Variants in RNF168 observed in about 807,000 individuals in gnomAD.
RNF168 encodes E3 ubiquitin-protein ligase RNF168.
In RNF168, 34 loss-of-function variants were observed where a neutral mutation model predicts 34.9. The observed-to-expected ratio is 0.97, with a 90% CI of 0.74 to 1.30. The LOEUF (loss-of-function observed/expected upper bound fraction) is 1.30, where lower values mean the gene tolerates loss of function less well. Among genes scored for constraint, RNF168 ranks in the 50% most tolerant of loss-of-function variants. The probability of loss-of-function intolerance (pLI) is 0.00; values close to 1 mark genes in which losing one functional copy is unlikely to be tolerated. For synonymous variants in RNF168, 264 were observed against 254.7 expected (o/e 1.04, Z -0.35); for missense variants, 725 against 682.5 (o/e 1.06, Z -0.69).
At position 196,488,793 on chromosome 3, in the gene RNF168, C is replaced by T. The variant is rs1732519992; in HGVS notation, c.302-110G>A. The T allele has an allele frequency of 1.3e-5, 7 of 557,684 alleles. No individual in the cohort carries two copies. The South Asian group carries it at 1.5e-4, about 12-fold the overall frequency. The allele number at this position is 557,684 out of a possible 1,614,324, so 34.5% of individuals were successfully genotyped here. On this transcript the variant is annotated intron_variant, in intron 1 of 5. Coordinates refer to ENST00000318037, the MANE Select transcript of RNF168 (RefSeq NM_152617.4). ...AATATACAACTATTAATAACTGCAG[C>T]AATATCTCCTTTTGGAATTCCATTT... is the stretch of plus-strand genomic sequence containing the variant.
chr3:196,491,033 A>G (rs1316760775), intron 1 of RNF168, among the ~76,000 whole-genome samples: 1 of 152,226 alleles, frequency 6.6e-6, no homozygotes, highest in Non-Finnish European at 1.5e-5. Flanking sequence ...AATTAAAGTA[A>G]GCTGGGAGCG....
At chr3:196,485,203 T>C (rs974988328) in intron 3 of RNF168, among the ~76,000 whole-genome samples, 2 of 152,198 alleles carry the variant, frequency 1.3e-5, no homozygotes, top group Non-Finnish European at 2.9e-5. Flanking sequence ...CAAACTTTCA[T>C]AAATAAATAG....
chr3:196,495,145 C>A (rs991556573), intron 1 of RNF168, among the ~76,000 whole-genome samples: 1 of 151,874 alleles, frequency 6.6e-6, no homozygotes, highest in African/African-American at 2.4e-5. Flanking sequence ...CATTTAGATT[C>A]ATGAAGTTTT....
At chr3:196,479,497 C>T (rs1732237694) in intron 4 of RNF168, among the ~76,000 whole-genome samples, 1 of 151,882 alleles carries the variant, frequency 6.6e-6, no homozygotes, top group African/African-American at 2.4e-5. Flanking sequence ...GACAGGGTTT[C>T]CGCATGTTGC....
At chr3:196,486,174 A>G (rs965587986) in intron 3 of RNF168, among the ~76,000 whole-genome samples, 5 of 152,322 alleles carry the variant, frequency 3.3e-5, no homozygotes, top group Non-Finnish European at 7.3e-5. Context: ...AATGTGCCTT[A>G]CTTTCAAAAT....
rs1437847206 is a variant in RNF168, at chr3:196,472,623, A to G, written c.912T>C (p.Cys304=). The change falls in exon 6 of 6, where the codon TGT becomes TGC. Residue 304 remains cysteine, a synonymous_variant. Transcript: ENST00000318037. ...IESPMPWLCA[C]GAEWYHEGNV... is the part of the protein sequence containing the mutation. ...TTCCTTCATGGTACCATTCGGCACC[A>G]CAGGCACATAACCATGGCATAGGGG... 1.9e-6 allele frequency: 3 copies of G among 1,613,814 alleles called. No homozygotes were observed. Among genetic ancestry groups the G allele is most frequent in the Non-Finnish European group, 2.5e-6 (3 of 1,179,788 alleles).
chr3:196,489,420 G>A (rs535124410), intron 1 of RNF168, among the ~76,000 whole-genome samples: 9 of 151,742 alleles, frequency 5.9e-5, no homozygotes, highest in Admixed American at 2.0e-4. Flanking sequence ...TCCGCCTCCC[G>A]GGTTCAAACA....
At chr3:196,487,873 G>A (rs1732495733) in intron 2 of RNF168, among the ~76,000 whole-genome samples, 1 of 152,140 alleles carries the variant, frequency 6.6e-6, no homozygotes, top group Non-Finnish European at 1.5e-5. Context: ...CTCTATTTAT[G>A]TATAACTTCA....
intron 5 of RNF168, 137 bp downstream of exon 5, chr3:196,475,094 G>C (rs1381582919): frequency 1.6e-6 from 1 of 642,960 alleles, no homozygotes; most frequent in Non-Finnish European, 2.8e-6. Flanking sequence ...TTTTTCTCTA[G>C]GTGAGCCTAA....
Position 196,471,195 on chromosome 3 carries a change from CCAA to C in RNF168, c.*621_*623del, listed in dbSNP as rs1485683675. ...TGCGTGACAGAGCAAGACTCTGTCT[CCAA>C]AAAAAAAAAAAAAAAAAAAAAAAAA... On this transcript the variant is annotated 3_prime_UTR_variant, in exon 6 of 6. Coordinates refer to ENST00000318037, the MANE Select transcript of RNF168 (RefSeq NM_152617.4). 9.2e-3 allele frequency: 182 copies of C among 19,842 alleles called. 4 individuals are homozygous for C. Among genetic ancestry groups the C allele is most frequent in the African/African-American group, 0.017 (178 of 10,468 alleles). 1.2% of individuals were successfully genotyped at this position (19,842 alleles called of 1,614,324 possible).
intron 1 of RNF168, among the ~76,000 whole-genome samples, chr3:196,498,990 C>A (rs572163579): frequency 1.1e-4 from 16 of 148,664 alleles, no homozygotes; most frequent in Admixed American, 1.0e-3. Flanking sequence ...ACAAGACTGT[C>A]TCAAAAAAAA....
rs573956308 is a variant in RNF168, at chr3:196,478,723, A to G, written c.681-3411T>C. Among the ~76,000 whole-genome samples, 3 of 151,972 alleles carry G rather than the reference A, an allele frequency of 2.0e-5. No individual in the cohort carries two copies. The East Asian group carries it at 5.8e-4, about 29-fold the overall frequency. On this transcript the variant is annotated intron_variant, in intron 4 of 5. Coordinates refer to ENST00000318037, the MANE Select transcript of RNF168 (RefSeq NM_152617.4). The stretch of plus-strand genomic sequence containing the variant: ...ACTCTATCGCCCAGACTGAAGTACA[A>G]TGGCACAATCTCTGCTCACTGCAAC...
At chr3:196,472,909 C>T (rs559571326) in intron 5 of RNF168, 137 bp from the exon 6 acceptor site, 1 of 590,562 alleles carries the variant, frequency 1.7e-6, no homozygotes, top group African/African-American at 1.9e-5. Flanking sequence ...TTCTTTCTTT[C>T]TTTTCTTTTT....
At chr3:196,477,277 T>C (rs545680565) in intron 4 of RNF168, among the ~76,000 whole-genome samples, 5 of 152,318 alleles carry the variant, frequency 3.3e-5, no homozygotes, top group African/African-American at 1.2e-4. Context: ...GTGGAAACTT[T>C]GGGTGATTTT....
Position 196,487,417 on chromosome 3 carries a change from T to C in RNF168, c.540A>G (p.Arg180=), listed in dbSNP as rs1577516321. The part of the protein sequence containing the change: ...EQLKSDEELA[R]KLSIDINNFC... Reference sequence around the variant, plus strand: ...AACTTACAATATCAATGCTTAGCTTTCTTGCCAGTTCCTCATCACTTTTCA... The same window carrying C: ...AACTTACAATATCAATGCTTAGCTTCCTTGCCAGTTCCTCATCACTTTTCA... Residue 180 remains arginine (R), a synonymous_variant, in exon 3 of 6, where the codon AGA becomes AGG. Coordinates refer to ENST00000318037, the MANE Select transcript of RNF168 (RefSeq NM_152617.4). 6.2e-7 allele frequency: 1 copy of C among 1,614,026 alleles called. No homozygotes were observed. Among genetic ancestry groups the C allele is most frequent in the Admixed American group, 1.7e-5 (1 of 59,990 alleles).
chr3:196,481,489 T>C (rs1456444853), intron 4 of RNF168, among the ~76,000 whole-genome samples: 2 of 151,944 alleles, frequency 1.3e-5, no homozygotes, highest in Non-Finnish European at 2.9e-5. Context: ...AAGTATGATA[T>C]GTGATGTAAG....
At chr3:196,484,925 G>C (rs974659777) in intron 3 of RNF168, among the ~76,000 whole-genome samples, 12 of 151,918 alleles carry the variant, frequency 7.9e-5, no homozygotes, top group African/African-American at 2.9e-4. Context: ...CAAAGTGTTC[G>C]GATTATAGGT....
intron 3 of RNF168, among the ~76,000 whole-genome samples, chr3:196,486,824 T>C (rs1182148365): frequency 6.6e-6 from 1 of 152,200 alleles, no homozygotes; most frequent in Non-Finnish European, 1.5e-5. Flanking sequence ...AACCCAGCAC[T>C]TTGAGACGCC....
chr3:196,477,837 A>G (rs1196023067), intron 4 of RNF168, among the ~76,000 whole-genome samples: 1 of 152,198 alleles, frequency 6.6e-6, no homozygotes, highest in African/African-American at 2.4e-5. Context: ...TAATTCTAAC[A>G]CTTTGGGAGG....
Sources: allele counts gnomAD v4.1 joint callset (sites outside exome capture counted in the v4.1 genomes callset), GRCh38; gene constraint gnomAD v4.1.1; transcripts MANE v1.5; gene names NCBI Gene and HGNC (gene_info 2026-07-23, HGNC 2026-07-21).